CYP4F8: variants seen among roughly 807,000 people sequenced by gnomAD.
CYP4F8 encodes cytochrome P450 4F8.
A neutral mutation model predicts 55.0 loss-of-function variants in CYP4F8; 56 were observed. The ratio of observed to expected loss-of-function variants is 1.02; its 90% CI spans 0.82 to 1.27. CYP4F8 has a LOEUF of 1.27. Ranked by LOEUF, CYP4F8 falls within the 50% of genes most tolerant of loss-of-function variation. The probability of loss-of-function intolerance (pLI) is 0.00; values close to 1 mark genes in which losing one functional copy is unlikely to be tolerated. For missense variants in CYP4F8, 680 were observed against 682.4 expected (o/e 1.00, Z 0.04); for synonymous variants, 288 against 267.3 (o/e 1.08, Z -0.76).
rs1304840387 is a variant in CYP4F8, at chr19:15,628,981, A to T, written c.1397+138A>T. 3.2e-6 allele frequency: 4 copies of T among 1,253,946 alleles called. No individual in the cohort carries two copies. The East Asian group carries it at 9.8e-5, about 31-fold the overall frequency. The allele number at this position is 1,253,946 out of a possible 1,614,324, so 77.7% of individuals were successfully genotyped here. On this transcript the variant is annotated intron_variant, in intron 12 of 12. Transcript: ENST00000612078. Reference sequence around the variant, plus strand: ...AGATCCTAGGAAAAAGGGTGTGCTCAGAGCCTCCTGCCCCGTCTGGTTTCA... The same window carrying T: ...AGATCCTAGGAAAAAGGGTGTGCTCTGAGCCTCCTGCCCCGTCTGGTTTCA...
chr19:15,628,820 T>A lies in CYP4F8; in HGVS notation c.1374T>A (p.Phe458Leu). 1 of 1,606,748 alleles carries A rather than the reference T, an allele frequency of 6.2e-7. No individual in the cohort carries two copies. The highest frequency in any genetic ancestry group is 8.5e-7 in the Non-Finnish European group (1 of 1,177,006). ...CCCAGAAGAGGTCACCTATGGCTTT[T>A]ATTCCTTTCTCGGCGGGGCCCAGGT... ...ENAQKRSPMA[F>L]IPFSAGPRNC... Residue 458 changes from phenylalanine (F) to leucine (L), a missense_variant, in exon 12 of 13, where the codon TTT becomes TTA. By Grantham distance (22) the Phe-to-Leu change is conservative. Coordinates refer to ENST00000612078, the MANE Select transcript of CYP4F8 (RefSeq NM_007253.4).
chr19:15,629,262 C>T lies in CYP4F8; in HGVS notation c.1467C>T (p.Phe489=), dbSNP rs751890480. Reference sequence around the variant, plus strand: ...TCCTGGCGCTCACGCTGCTGCGCTTCCGCATCCTGCCCGACCACAGGGAGC... The same window carrying T: ...TCCTGGCGCTCACGCTGCTGCGCTTTCGCATCCTGCCCGACCACAGGGAGC... ...KVVLALTLLR[F]RILPDHREPR... is the part of the protein sequence containing the mutation. The change falls in exon 13 of 13, where the codon TTC becomes TTT. Residue 489 remains phenylalanine, a synonymous_variant. Transcript: ENST00000612078. 11 of 1,613,310 alleles carry T rather than the reference C, an allele frequency of 6.8e-6. No homozygotes were observed. The African/African-American group carries it at 8.0e-5, about 12-fold the overall frequency.
At chr19:15,617,363 A>G (rs1370786956) in intron 2 of CYP4F8, among the ~76,000 whole-genome samples, 1 of 152,182 alleles carries the variant, frequency 6.6e-6, no homozygotes, top group Non-Finnish European at 1.5e-5. Context: ...GAATCTGGAC[A>G]TGCTGTTCAT....
At chr19:15,628,245 CA>C in intron 9 of CYP4F8, 56 bp from the exon 10 acceptor site, 1 of 1,610,714 alleles carries the variant, frequency 6.2e-7, no homozygotes, top group East Asian at 2.2e-5. Flanking sequence ...AGAGGGTCTC[CA>C]GGGGCAGCAG....
intron 9 of CYP4F8, 119 bp downstream of exon 9, chr19:15,624,213 GT>G: frequency 6.7e-7 from 1 of 1,489,798 alleles, no homozygotes; most frequent in Non-Finnish European, 9.0e-7. Context: ...TTGTTGCCTA[GT>G]GGGAATAGGA....
At chr19:15,615,946 TTCC>T (rs1319044080) in intron 2 of CYP4F8, 132 bp downstream of exon 2, 12,734 of 696,066 alleles carry the variant, frequency 0.018, 195 homozygotes, top group Non-Finnish European at 0.023. Context: ...CTCATTCCTC[TTCC>T]CACTCATTCC....
intron 3 of CYP4F8, chr19:15,618,429 G>A: frequency 1.9e-6 from 1 of 526,662 alleles, no homozygotes. Flanking sequence ...TTGAAGAGAT[G>A]GAGCAGTACA....
Position 15,623,315 on chromosome 19 carries a change from C to G in CYP4F8, c.858C>G (p.Phe286Leu). The change falls in exon 7 of 13, where the codon TTC (phenylalanine) becomes TTG (leucine). Residue 286 changes from phenylalanine (F) to leucine (L), a missense_variant. Phe to Leu is a conservative substitution (Grantham distance 22). Transcript: ENST00000612078. ...RTLTSQGVDD[F>L]LQAKAKSKTL... The stretch of plus-strand genomic sequence containing the variant: ...TCACTAGCCAGGGTGTTGATGACTT[C>G]CTCCAAGCCAAGGCCAAGTCCAAGA... 1 of 1,614,068 alleles carries G rather than the reference C, an allele frequency of 6.2e-7. No individual in the cohort carries two copies. Among genetic ancestry groups the G allele is most frequent in the Non-Finnish European group, 8.5e-7 (1 of 1,180,020 alleles).
chr19:15,615,910 A>ACCTCACTCATTCCTCTGATC, intron 2 of CYP4F8, 96 bp downstream of exon 2: 1 of 749,450 alleles, frequency 1.3e-6, no homozygotes, highest in Non-Finnish European at 1.9e-6. Flanking sequence ...ACGGCAGAGA[A>ACCTCACTCATTCCTCTGATC]ACTCACTCAT....
chr19:15,621,084 G>A (rs1430437919), intron 5 of CYP4F8, among the ~76,000 whole-genome samples: 2 of 152,146 alleles, frequency 1.3e-5, no homozygotes, highest in African/African-American at 4.8e-5. Context: ...TTCTATAGAT[G>A]CCTGCCATGT....
intron 6 of CYP4F8, chr19:15,622,814 G>A (rs995456816): frequency 4.1e-6 from 2 of 485,368 alleles, no homozygotes; most frequent in Non-Finnish European, 3.8e-6. Flanking sequence ...GCCAGGGAGA[G>A]GAGGTCTGAG....
Position 15,628,451 on chromosome 19 carries a change from G to C in CYP4F8, c.1249+16G>C. The C allele has an allele frequency of 6.2e-7, 1 of 1,613,802 alleles. No homozygotes were observed. The highest frequency in any genetic ancestry group is 8.5e-7 in the Non-Finnish European group (1 of 1,179,852). ...ATCCCCAAAGGTGCCCTCCATGGCA[G>C]GGGAGGAGGGTCCTGGGCAGGGCGG... On this transcript the variant is annotated intron_variant, in intron 10 of 12. Transcript: ENST00000612078.
chr19:15,629,549 GA>G lies in CYP4F8; in HGVS notation c.*192del. The G allele has an allele frequency of 2.7e-6, 2 of 734,958 alleles. No homozygotes were observed. The highest frequency in any genetic ancestry group is 4.1e-6 in the Non-Finnish European group (2 of 482,522). 45.5% of individuals were successfully genotyped at this position (734,958 alleles called of 1,614,324 possible). ...GGCGGGGAGATGTCTCTGTGCCCAA[GA>G]TACTCACTGCCTCTCTGGGTGAGCA... On this transcript the variant is annotated 3_prime_UTR_variant, in exon 13 of 13. Transcript: ENST00000612078.
In CYP4F8 at chr19:15,623,128, C is replaced by G. The variant is rs368998126; in HGVS notation, c.671C>G (p.Ala224Gly). ...AGGAAGCCCAGTGAATATATTACTG[C>G]GATCATGGAGCTCAGTGCCCTTGTA... ...CQEKPSEYIT[A>G]IMELSALVVK... Residue 224 changes from alanine (A) to glycine (G), a missense_variant, in exon 7 of 13, where the codon GCG (alanine) becomes GGG (glycine). Transcript: ENST00000612078. The G allele has an allele frequency of 6.2e-7, 1 of 1,613,998 alleles. No individual in the cohort carries two copies. Among genetic ancestry groups the G allele is most frequent in the Admixed American group, 1.7e-5 (1 of 59,994 alleles).
chr19:15,623,242 T>A lies in CYP4F8; in HGVS notation c.785T>A (p.Leu262Gln). Residue 262 changes from leucine to glutamine, a missense_variant, in exon 7 of 13, where the codon CTG becomes CAG. Coordinates refer to ENST00000612078, the MANE Select transcript of CYP4F8 (RefSeq NM_007253.4). ...CGRRFHRACR[L>Q]VHDFTDAVIQ... ...CGGCGCTTCCACAGGGCCTGCAGACTGGTGCACGACTTCACAGATGCCGTC... is the reference window on the plus strand; with the variant it reads ...CGGCGCTTCCACAGGGCCTGCAGACAGGTGCACGACTTCACAGATGCCGTC... The A allele has an allele frequency of 6.2e-7, 1 of 1,614,054 alleles. No individual in the cohort carries two copies. The highest frequency in any genetic ancestry group is 8.5e-7 in the Non-Finnish European group (1 of 1,180,002).
In CYP4F8 at chr19:15,615,796, C is replaced by A; in HGVS notation, c.180C>A (p.Phe60Leu). The A allele has an allele frequency of 6.2e-7, 1 of 1,612,600 alleles. No homozygotes were observed. The highest frequency in any genetic ancestry group is 1.1e-5 in the South Asian group (1 of 90,932). Residue 60 changes from phenylalanine (F) to leucine (L), a missense_variant, in exon 2 of 13, where the codon TTC (phenylalanine) becomes TTA (leucine). By Grantham distance (22) the Phe-to-Leu change is conservative. Coordinates refer to ENST00000612078, the MANE Select transcript of CYP4F8 (RefSeq NM_007253.4). ...CGCAGCCCCGGAAACAGAACTGGTT[C>A]TTGGGTCACCTGGGCCTGGTGAGTG... ...CFPQPRKQNWFLGHLGLVTPT... is the reference protein window; with the variant it reads ...CFPQPRKQNWLLGHLGLVTPT...
At position 15,615,647 on chromosome 19, in the gene CYP4F8, C is replaced by T. The variant is rs376929171; in HGVS notation, c.31C>T (p.Leu11Phe). Residue 11 changes from leucine to phenylalanine, a missense_variant, in exon 2 of 13, where the codon CTC (leucine) becomes TTC (phenylalanine). Physicochemically the swap from Leu to Phe is conservative, Grantham distance 22 (BLOSUM62 0). Transcript: ENST00000612078. ...GCTGCTGAGCCTGTCTTGGCTGGGC[C>T]TCAGGCCGGTGGCAGCATCCCCGTG... Reference protein sequence around the residue: MSLLSLSWLGLRPVAASPWLL... With the variant: MSLLSLSWLGFRPVAASPWLL... 29 of 1,613,882 alleles carry T rather than the reference C, an allele frequency of 1.8e-5. 1 individual carries two copies. The African/African-American group carries it at 2.5e-4, about 14-fold the overall frequency.
At chr19:15,618,521 C>T (rs1972153248) in intron 3 of CYP4F8, 20 of 361,962 alleles carry the variant, frequency 5.5e-5, no homozygotes, top group South Asian at 4.2e-4. Flanking sequence ...AAGGTTTCTA[C>T]TGGGGCAGGC....
chr19:15,615,453 T>G, intron 1 of CYP4F8, 163 bp from the exon 2 acceptor site: 2 of 745,468 alleles, frequency 2.7e-6, no homozygotes, highest in Non-Finnish European at 4.1e-6. Flanking sequence ...TGATCTCTAA[T>G]TTTGTGTCAC....
Sources: gnomAD v4.1 joint callset for allele counts (sites outside exome capture counted in the v4.1 genomes callset) on GRCh38, gnomAD v4.1.1 for gene constraint, MANE v1.5 for transcripts, NCBI Gene and HGNC (gene_info 2026-07-23, HGNC 2026-07-21) for gene names.